Variants in SLC12A8 observed in about 807,000 individuals in gnomAD.
The protein encoded by SLC12A8 is solute carrier family 12 member 8.
In SLC12A8, 69 loss-of-function variants were observed where a neutral mutation model predicts 75.6. The observed-to-expected ratio is 0.91, with a 90% CI of 0.75 to 1.11. SLC12A8 has a LOEUF of 1.11. Ranked by LOEUF, SLC12A8 falls within the 50% of genes most tolerant of loss-of-function variation. The pLI is 0.00. For synonymous variants in SLC12A8, 365 were observed against 372.8 expected (o/e 0.98, Z 0.24); for missense variants, 877 against 896.7 (o/e 0.98, Z 0.28).
intron 4 of SLC12A8, among the ~76,000 whole-genome samples, chr3:125,179,152 GCCTCATTCGTTCAAGTC>G (rs1454849727): frequency 2.0e-5 from 3 of 151,992 alleles, no homozygotes; most frequent in Admixed American, 2.0e-4. Flanking sequence ...TTCTATTAGG[GCCTCATTCGTTCAAGTC>G]CCTCCTTTTC....
intron 5 of SLC12A8, among the ~76,000 whole-genome samples, chr3:125,176,826 C>G (rs953727291): frequency 2.8e-5 from 4 of 143,794 alleles, no homozygotes; most frequent in Non-Finnish European, 6.2e-5. Flanking sequence ...CAGGAAACAA[C>G]AGGTGCTAGA....
chr3:125,179,401 T>C (rs531603549), intron 4 of SLC12A8, among the ~76,000 whole-genome samples: 1 of 152,300 alleles, frequency 6.6e-6, no homozygotes, highest in East Asian at 1.9e-4. Flanking sequence ...ATTCAATAAA[T>C]ACTTTGTGAT....
chr3:125,133,325 C>A (rs1400996041), intron 6 of SLC12A8, among the ~76,000 whole-genome samples: 1 of 151,590 alleles, frequency 6.6e-6, no homozygotes, highest in Non-Finnish European at 1.5e-5. Context: ...ACCCATAAAA[C>A]CATCACTATA....
intron 5 of SLC12A8, 30 bp from the exon 6 acceptor site, chr3:125,135,812 G>T: frequency 7.5e-7 from 1 of 1,334,278 alleles, no homozygotes. Flanking sequence ...AGCAACGTAA[G>T]CCCAGTGAGA....
At chr3:125,211,682 A>G (rs1935339286) in intron 1 of SLC12A8, among the ~76,000 whole-genome samples, 1 of 152,196 alleles carries the variant, frequency 6.6e-6, no homozygotes, top group Non-Finnish European at 1.5e-5. Context: ...GGTCAGAGCC[A>G]GCTGCCCTGC....
At chr3:125,101,932 C>T (rs183039962) in intron 10 of SLC12A8, among the ~76,000 whole-genome samples, 15 of 152,024 alleles carry the variant, frequency 9.9e-5, no homozygotes, top group East Asian at 1.9e-4. Context: ...AATATTGTGA[C>T]GAGTACAGAG....
At chr3:125,119,368 G>A (rs1179802865) in intron 7 of SLC12A8, among the ~76,000 whole-genome samples, 1 of 152,210 alleles carries the variant, frequency 6.6e-6, no homozygotes, top group Non-Finnish European at 1.5e-5. Context: ...GATCCTTCGG[G>A]CCTCTAAGTC....
At chr3:125,211,912 G>C (rs764578828) in intron 1 of SLC12A8, among the ~76,000 whole-genome samples, 1 of 152,144 alleles carries the variant, frequency 6.6e-6, no homozygotes, top group African/African-American at 2.4e-5. Context: ...TGAAGAGGGT[G>C]AGTGAGAAAA....
chr3:125,163,330 G>A (rs927224991), intron 5 of SLC12A8, among the ~76,000 whole-genome samples: 5 of 150,818 alleles, frequency 3.3e-5, no homozygotes, highest in African/African-American at 7.3e-5. Context: ...AAAGAAAGCC[G>A]GGTGCGGTGG....
intron 4 of SLC12A8, among the ~76,000 whole-genome samples, chr3:125,186,720 CT>C (rs1369790668): frequency 5.9e-5 from 9 of 152,256 alleles, no homozygotes; most frequent in Admixed American, 5.9e-4. Flanking sequence ...CATTAACATT[CT>C]CCCTCTCAGA....
At chr3:125,110,049 C>G (rs1322262495) in intron 9 of SLC12A8, 140 bp downstream of exon 9, 45 of 918,674 alleles carry the variant, frequency 4.9e-5, no homozygotes, top group Non-Finnish European at 7.3e-5. Flanking sequence ...AAGAAATGAC[C>G]TCTGCATTAT....
Position 125,166,208 on chromosome 3 carries a change from C to A in SLC12A8, c.622+11535G>T, listed in dbSNP as rs866883136. 2.2e-4 allele frequency among the ~76,000 whole-genome samples: 34 copies of A among 152,202 alleles called. 1 individual carries two copies. Among genetic ancestry groups the A allele is most frequent in the Middle Eastern group, 3.4e-3 (1 of 294 alleles). ...CTCACACTAGCCTCGCCATTTCCCC[C>A]ACACCTGTTCCAGCTGCCATGTTCC... is the stretch of plus-strand genomic sequence containing the variant. On this transcript the variant is annotated intron_variant, in intron 5 of 13. Transcript: ENST00000469902.
At chr3:125,090,308 T>C (rs1408821920) in intron 12 of SLC12A8, among the ~76,000 whole-genome samples, 2 of 152,234 alleles carry the variant, frequency 1.3e-5, no homozygotes, top group African/African-American at 4.8e-5. Context: ...TGAATACTTT[T>C]AAATTTATTG....
chr3:125,117,580 A>G (rs1388328035), intron 8 of SLC12A8, among the ~76,000 whole-genome samples: 1 of 152,148 alleles, frequency 6.6e-6, no homozygotes, highest in East Asian at 1.9e-4. Context: ...TGGGTGACAG[A>G]GTGAGACCCT....
intron 5 of SLC12A8, among the ~76,000 whole-genome samples, chr3:125,166,061 C>T (rs902654492): frequency 6.6e-6 from 1 of 152,202 alleles, no homozygotes; most frequent in African/African-American, 2.4e-5. Context: ...CGCTTCCAAA[C>T]CAGCACAGGC....
chr3:125,202,812 G>A (rs1379764323), intron 2 of SLC12A8, among the ~76,000 whole-genome samples: 1 of 152,090 alleles, frequency 6.6e-6, no homozygotes, highest in Non-Finnish European at 1.5e-5. Flanking sequence ...GAGAAGCCGG[G>A]CACGGTGGCT....
intron 5 of SLC12A8, among the ~76,000 whole-genome samples, chr3:125,152,555 C>T (rs1933952739): frequency 6.6e-6 from 1 of 152,144 alleles, no homozygotes; most frequent in South Asian, 2.1e-4. Context: ...AATAATAAAA[C>T]CCCAAAATTA....
At chr3:125,206,123 T>C (rs1935221939) in intron 2 of SLC12A8, among the ~76,000 whole-genome samples, 1 of 152,234 alleles carries the variant, frequency 6.6e-6, no homozygotes. Context: ...CACATAGCTT[T>C]TTAAAGATGC....
At chr3:125,193,732 C>T (rs1289182989) in intron 2 of SLC12A8, among the ~76,000 whole-genome samples, 9 of 152,198 alleles carry the variant, frequency 5.9e-5, no homozygotes, top group Non-Finnish European at 1.2e-4. Context: ...AAGGAAGGAA[C>T]CCCTCAACCC....
Sources: allele counts gnomAD v4.1 joint callset (sites outside exome capture counted in the v4.1 genomes callset), GRCh38; gene constraint gnomAD v4.1.1; transcripts MANE v1.5; gene names NCBI Gene and HGNC (gene_info 2026-07-23, HGNC 2026-07-21).